C10orf90: variants seen among roughly 807,000 people sequenced by gnomAD.
C10orf90 encodes the protein chromosome 10 open reading frame 90.
C10orf90 carries 56 observed loss-of-function variants against 62.5 expected under a neutral mutation model. That is an observed-to-expected ratio of 0.90 (90% CI 0.72 to 1.12). The LOEUF is 1.12. Among genes scored for constraint, C10orf90 ranks in the 50% most tolerant of loss-of-function variants. C10orf90 has a pLI of 0.00. For synonymous variants in C10orf90, 386 were observed against 340.4 expected, an observed-to-expected ratio of 1.13 and a Z score of -1.47; for missense variants, 970 against 880.4, an observed-to-expected ratio of 1.10 and a Z score of -1.29.
intron 2 of C10orf90, among the ~76,000 whole-genome samples, chr10:126,600,318 C>T (rs1045532526): frequency 9.2e-5 from 14 of 152,170 alleles, no homozygotes; most frequent in South Asian, 2.1e-4. Context: ...CCCTGGGAGA[C>T]GCTACAGAAA....
At chr10:126,432,857 T>A (rs979608656) in intron 7 of C10orf90, among the ~76,000 whole-genome samples, 31 of 152,360 alleles carry the variant, frequency 2.0e-4, no homozygotes, top group African/African-American at 6.0e-4. Flanking sequence ...CCACCCACGT[T>A]GGCCTTTGCA....
chr10:126,594,507 A>T (rs75068418), intron 2 of C10orf90, among the ~76,000 whole-genome samples: 26 of 152,292 alleles, frequency 1.7e-4, no homozygotes, highest in Non-Finnish European at 3.2e-4. Flanking sequence ...TCTGTTCTAG[A>T]TGCTACATCC....
chr10:126,433,653 A>G (rs1189107910), intron 7 of C10orf90, among the ~76,000 whole-genome samples: 1 of 152,184 alleles, frequency 6.6e-6, no homozygotes, highest in Non-Finnish European at 1.5e-5. Flanking sequence ...TATGTACAGC[A>G]TGACCCACAG....
intron 2 of C10orf90, among the ~76,000 whole-genome samples, chr10:126,558,591 G>A (rs1022685946): frequency 6.6e-6 from 1 of 152,212 alleles, no homozygotes; most frequent in African/African-American, 2.4e-5. Context: ...CAGCTCAGCT[G>A]AGCTGAGAAG....
intron 2 of C10orf90, among the ~76,000 whole-genome samples, chr10:126,565,126 A>AAATATTTATATTACATAATATG (rs1564874033): frequency 2.8e-4 from 8 of 28,334 alleles, no homozygotes; most frequent in Non-Finnish European, 4.6e-4. Context: ...TATATAATAT[A>AAATATTTATATTACATAATATG]TAATATAAAT....
At chr10:126,577,798 C>T (rs1177284143) in intron 2 of C10orf90, among the ~76,000 whole-genome samples, 2 of 151,996 alleles carry the variant, frequency 1.3e-5, no homozygotes, top group East Asian at 1.9e-4. Context: ...AAAGAACAGG[C>T]AAACTAACCA....
intron 2 of C10orf90, among the ~76,000 whole-genome samples, chr10:126,643,647 C>T (rs1021213248): frequency 1.3e-5 from 2 of 152,184 alleles, no homozygotes; most frequent in East Asian, 3.9e-4. Context: ...AACCTTGGTT[C>T]CTGTCTTTCT....
rs1369825905 is a variant in C10orf90, at chr10:126,464,789, T to C, written c.1732A>G (p.Ile578Val). 1 of 1,614,022 alleles carries C rather than the reference T, an allele frequency of 6.2e-7. No individual in the cohort carries two copies. Among genetic ancestry groups the C allele is most frequent in the Non-Finnish European group, 8.5e-7 (1 of 1,179,994 alleles). ...GGGCAAAGAAACCCAGGAAAAAGGA[T>C]TCTGGGTTTCAGGAAGCTTTGATGT... is the stretch of plus-strand genomic sequence containing the variant. ...RRHQSFLKPR[I>V]LFPGFLCPLQ... The change falls in exon 5 of 10, where the codon ATC becomes GTC. Residue 578 changes from isoleucine (I) to valine (V), a missense_variant. By Grantham distance (29) the Ile-to-Val change is conservative. Transcript: ENST00000488181.
intron 2 of C10orf90, among the ~76,000 whole-genome samples, chr10:126,622,714 T>C (rs1320277987): frequency 6.6e-6 from 1 of 152,192 alleles, no homozygotes; most frequent in Non-Finnish European, 1.5e-5. Context: ...CCCTGAAACC[T>C]GAATGACAGG....
chr10:126,494,430 T>C (rs1861928701), intron 4 of C10orf90, among the ~76,000 whole-genome samples: 2 of 152,176 alleles, frequency 1.3e-5, no homozygotes. Flanking sequence ...GCACATTTGT[T>C]GCCCCATGGG....
At chr10:126,500,218 C>T (rs1224041531) in intron 4 of C10orf90, among the ~76,000 whole-genome samples, 1 of 152,152 alleles carries the variant, frequency 6.6e-6, no homozygotes, top group African/African-American at 2.4e-5. Flanking sequence ...CTTCAGATAC[C>T]ACCTTTGGTA....
Position 126,622,853 on chromosome 10 carries a change from C to T in C10orf90, c.313+23712G>A, listed in dbSNP as rs539739657. On this transcript the variant is annotated intron_variant, in intron 2 of 9. Transcript: ENST00000488181. ...ATTATGCAAAGAAACCTCAACAACCCTTCAGATACCTACTTGACATAAAAT... is the reference window on the plus strand; with the variant it reads ...ATTATGCAAAGAAACCTCAACAACCTTTCAGATACCTACTTGACATAAAAT... Among the ~76,000 whole-genome samples, 6 of 152,338 alleles carry T rather than the reference C, an allele frequency of 3.9e-5. No homozygotes were observed. In the East Asian group the frequency reaches 7.7e-4, roughly 20 times the overall value.
At chr10:126,522,882 C>T (rs1550169) in intron 2 of C10orf90, 135,035 of 152,222 alleles carry the variant, frequency 0.89, 60,077 homozygotes, top group African/African-American at 0.96. Flanking sequence ...TAGCCTTGGA[C>T]GAGCCACGTA....
intron 4 of C10orf90, among the ~76,000 whole-genome samples, chr10:126,473,811 C>T (rs1860719400): frequency 6.6e-6 from 1 of 152,062 alleles, no homozygotes; most frequent in Non-Finnish European, 1.5e-5. Context: ...TTTGTTAAAA[C>T]TTAGATTGCT....
At chr10:126,601,661 T>C (rs1017816980) in intron 2 of C10orf90, among the ~76,000 whole-genome samples, 2 of 152,240 alleles carry the variant, frequency 1.3e-5, no homozygotes, top group African/African-American at 4.8e-5. Flanking sequence ...TTTCTAATTA[T>C]ACCCTAGAAT....
chr10:126,568,680 G>C (rs1675713891), intron 2 of C10orf90, among the ~76,000 whole-genome samples: 1 of 152,144 alleles, frequency 6.6e-6, no homozygotes, highest in Non-Finnish European at 1.5e-5. Context: ...CAGGGGTTCA[G>C]AATCTTAGCA....
chr10:126,604,561 T>C (rs1032558170), intron 2 of C10orf90, among the ~76,000 whole-genome samples: 12 of 152,214 alleles, frequency 7.9e-5, no homozygotes, highest in Non-Finnish European at 8.8e-5. Flanking sequence ...AATGCAAATG[T>C]GGACGTGGTC....
intron 4 of C10orf90, among the ~76,000 whole-genome samples, chr10:126,475,096 T>A (rs747752713): frequency 2.6e-5 from 4 of 152,110 alleles, no homozygotes; most frequent in African/African-American, 4.8e-5. Context: ...GCAGTCCAAA[T>A]CACCAAACAA....
At chr10:126,623,534 C>T (rs1216228144) in intron 2 of C10orf90, among the ~76,000 whole-genome samples, 4 of 152,076 alleles carry the variant, frequency 2.6e-5, no homozygotes, top group Non-Finnish European at 4.4e-5. Context: ...CTCTCTCTTT[C>T]CCCAAGTAGA....
Sources: allele counts gnomAD v4.1 joint callset (sites outside exome capture counted in the v4.1 genomes callset), GRCh38; gene constraint gnomAD v4.1.1; transcripts MANE v1.5; gene names NCBI Gene and HGNC (gene_info 2026-07-23, HGNC 2026-07-21).